The following PHLDB2 variants were observed in gnomAD, a reference collection of about 807,000 sequenced individuals.
The protein encoded by PHLDB2 is pleckstrin homology like domain family B member 2, also known as pleckstrin homology-like domain family B member 2.
A neutral mutation model predicts 123.6 loss-of-function variants in PHLDB2; 71 were observed. The observed-to-expected ratio is 0.57, with a 90% CI of 0.47 to 0.70. The LOEUF is 0.70. Among genes scored for constraint, PHLDB2 ranks in the 30% least tolerant of loss-of-function variants. The pLI, the probability that PHLDB2 is intolerant of heterozygous loss-of-function variation, is 0.00. For missense variants in PHLDB2, 1,446 were observed against 1,519.5 expected (o/e 0.95, Z 0.80); for synonymous variants, 547 against 541.6 (o/e 1.01, Z -0.14).
At position 111,845,354 on chromosome 3, in the gene PHLDB2, CAAAAAAAAAAAA is replaced by C. The variant is rs745585464; in HGVS notation, c.-48-447_-48-436del. On this transcript the variant is annotated intron_variant, in intron 1 of 17. Transcript: ENST00000393923. Reference sequence around the variant, plus strand: ...TGGGTGACAGAGCAAGACTCTGTCTCAAAAAAAAAAAAAAAAAAAAAAAAAAAAAAACTATGG... The same window carrying C: ...TGGGTGACAGAGCAAGACTCTGTCTCAAAAAAAAAAAAAAAAAAACTATGG... Among the ~76,000 whole-genome samples the C allele has an allele frequency of 6.1e-4, 24 of 39,160 alleles. No individual in the cohort carries two copies. In the East Asian group the frequency reaches 0.013, roughly 21 times the overall value. The allele number at this position is 39,160 out of a possible 152,430, so 25.7% of individuals were successfully genotyped here.
At chr3:111,866,765 T>G (rs2065103999) in intron 1 of PHLDB2, among the ~76,000 whole-genome samples, 1 of 152,188 alleles carries the variant, frequency 6.6e-6, no homozygotes, top group Admixed American at 6.5e-5. Context: ...GAAGAGTATC[T>G]GAAGTTAGTT....
At chr3:111,738,198 A>G (rs2059541896) in intron 1 of PHLDB2, among the ~76,000 whole-genome samples, 1 of 152,124 alleles carries the variant, frequency 6.6e-6, no homozygotes, top group Non-Finnish European at 1.5e-5. Flanking sequence ...AATTCATCTC[A>G]TTTTGCTTTT....
At chr3:111,911,625 G>T (rs1334672030) in intron 2 of PHLDB2, 1 of 1,535,928 alleles carries the variant, frequency 6.5e-7, no homozygotes, top group Non-Finnish European at 8.7e-7. Flanking sequence ...GTGCAGAAGA[G>T]CCCAAGATGA....
intron 1 of PHLDB2, among the ~76,000 whole-genome samples, chr3:111,840,241 C>A (rs932630200): frequency 2.1e-4 from 32 of 151,570 alleles, no homozygotes; most frequent in African/African-American, 6.8e-4. Flanking sequence ...GACAGTGAGA[C>A]CCTGTCTCCA....
At position 111,904,277 on chromosome 3, in the gene PHLDB2, C is replaced by CAAAAAAA. The variant is rs3082325; in HGVS notation, c.1336-9036_1336-9030dup. Among the ~76,000 whole-genome samples the CAAAAAAA allele has an allele frequency of 5.8e-5, 5 of 86,722 alleles. 1 individual carries two copies. The highest frequency in any genetic ancestry group is 1.5e-4 in the Admixed American group (1 of 6,852). The allele number at this position is 86,722 out of a possible 152,430, so 56.9% of individuals were successfully genotyped here. ...TGGGTGACAGAGTGAGACCCTGTCT[C>CAAAAAAA]AAAAAAAAAAAAGGCCAAGGGTTCT... On this transcript the variant is annotated intron_variant, in intron 2 of 17. Transcript: ENST00000431670.
chr3:111,954,130 T>G, intron 12 of PHLDB2, 101 bp downstream of exon 12: 1 of 1,050,484 alleles, frequency 9.5e-7, no homozygotes. Flanking sequence ...AGAGGAGGGA[T>G]CAACCAAAGG....
chr3:111,912,830 A>G (rs1379043014), intron 2 of PHLDB2, among the ~76,000 whole-genome samples: 1 of 152,208 alleles, frequency 6.6e-6, no homozygotes, highest in African/African-American at 2.4e-5. Context: ...AAAAAAAATG[A>G]ATTTGGTGCA....
intron 15 of PHLDB2, among the ~76,000 whole-genome samples, chr3:111,969,178 A>G (rs1295924087): frequency 6.6e-6 from 1 of 152,152 alleles, no homozygotes; most frequent in African/African-American, 2.4e-5. Flanking sequence ...TTCAATTTCT[A>G]TCGGAATATA....
At chr3:111,790,760 A>C (rs2060885323) in intron 1 of PHLDB2, among the ~76,000 whole-genome samples, 2 of 152,124 alleles carry the variant, frequency 1.3e-5, no homozygotes, top group South Asian at 4.1e-4. Context: ...GTGCAATAGA[A>C]TTTACTTTTC....
At chr3:111,901,586 A>G (rs1209994636) in intron 2 of PHLDB2, among the ~76,000 whole-genome samples, 1 of 152,154 alleles carries the variant, frequency 6.6e-6, no homozygotes, top group Non-Finnish European at 1.5e-5. Context: ...TATACCTCTC[A>G]TATACTTATT....
intron 3 of PHLDB2, chr3:111,914,117 G>T (rs959661585): frequency 6.1e-6 from 1 of 164,684 alleles, no homozygotes; most frequent in African/African-American, 2.4e-5. Flanking sequence ...TAAATGCCTT[G>T]GGTATCTTTG....
chr3:111,872,832 A>G (rs2065412487), intron 1 of PHLDB2, among the ~76,000 whole-genome samples: 1 of 152,198 alleles, frequency 6.6e-6, no homozygotes. Flanking sequence ...TTGATTTGTA[A>G]GGTTAAGAGA....
intron 2 of PHLDB2, among the ~76,000 whole-genome samples, chr3:111,899,724 G>T (rs1587455): frequency 6.6e-6 from 1 of 151,982 alleles, no homozygotes; most frequent in African/African-American, 2.4e-5. Context: ...ATTGACTTCT[G>T]TCTAGCTTTG....
At chr3:111,844,376 C>T (rs2063842058) in intron 1 of PHLDB2, among the ~76,000 whole-genome samples, 1 of 152,202 alleles carries the variant, frequency 6.6e-6, no homozygotes, top group Admixed American at 6.5e-5. Context: ...CCCCTCCTCA[C>T]CCCACATCTG....
intron 2 of PHLDB2, among the ~76,000 whole-genome samples, chr3:111,912,493 TTCTA>T (rs1468641317): frequency 2.6e-5 from 4 of 152,320 alleles, no homozygotes; most frequent in Admixed American, 6.5e-5. Flanking sequence ...TAGTGCAACA[TTCTA>T]TCTCTTTTAT....
At chr3:111,947,310 A>G (rs1047229696) in intron 9 of PHLDB2, among the ~76,000 whole-genome samples, 1 of 152,126 alleles carries the variant, frequency 6.6e-6, no homozygotes, top group African/African-American at 2.4e-5. Flanking sequence ...TTGTTTTACT[A>G]TTGTTGTGTA....
At position 111,780,397 on chromosome 3, in the gene PHLDB2, GAAGAAGAAGAAGAAA is replaced by G. The variant is rs1241521485; in HGVS notation, c.-49+47699_-49+47713del. On this transcript the variant is annotated intron_variant, in intron 1 of 17. Coordinates refer to the PHLDB2 transcript ENST00000393923. ...AGAAGAAGAAGAAGAAGAAGAAGAA[GAAGAAGAAGAAGAAA>G]AAGATTAGTTCGGCCCAACTTTCTG... 1.1e-3 allele frequency among the ~76,000 whole-genome samples: 21 copies of G among 19,490 alleles called. 1 individual carries two copies. Among genetic ancestry groups the G allele is most frequent in the Non-Finnish European group, 1.5e-3 (7 of 4,772 alleles). 12.8% of individuals were successfully genotyped at this position (19,490 alleles called of 152,430 possible). A position where few individuals can be genotyped will look rare whatever the true frequency, so the allele number is the denominator to read the frequency against.
At chr3:111,859,652 G>C in intron 1 of PHLDB2, 76 bp downstream of exon 1, 2 of 985,188 alleles carry the variant, frequency 2.0e-6, no homozygotes, top group Non-Finnish European at 2.4e-6. Flanking sequence ...TCCCGGGGAC[G>C]CTGCCTCCCC....
At chr3:111,874,959 A>G (rs1481109062) in intron 1 of PHLDB2, among the ~76,000 whole-genome samples, 1 of 152,230 alleles carries the variant, frequency 6.6e-6, no homozygotes, top group Non-Finnish European at 1.5e-5. Context: ...TTATTCAGCA[A>G]ACATCTAGAG....
Sources: allele counts gnomAD v4.1 joint callset (sites outside exome capture counted in the v4.1 genomes callset), GRCh38; gene constraint gnomAD v4.1.1; transcripts MANE v1.5; gene names NCBI Gene and HGNC (gene_info 2026-07-23, HGNC 2026-07-21).